Variants in SND1 observed in about 807,000 individuals in gnomAD.
SND1 encodes staphylococcal nuclease domain-containing protein 1.
In SND1, 38 loss-of-function variants were observed where a neutral mutation model predicts 121.7. That is an observed-to-expected ratio of 0.31 (90% CI 0.24 to 0.41). SND1 has a LOEUF of 0.41. SND1 is among the 10% of genes least tolerant of loss of function. The pLI is 1.00. For synonymous variants in SND1, 401 were observed against 447.4 expected (o/e 0.90, Z 1.31); for missense variants, 868 against 1,184.6 (o/e 0.73, Z 3.92).
chr7:127,744,288 G>A lies in SND1; in HGVS notation c.1152+22888G>A, dbSNP rs115693980. ...CCATGTTCTTTTCATTCAATTTGCC[G>A]TTTTTGGGTCGGCTTAGAGACCACC... On this transcript the variant is annotated intron_variant, in intron 10 of 23. Transcript: ENST00000354725. Among the ~76,000 whole-genome samples, 267 of 151,296 alleles carry A rather than the reference G, an allele frequency of 1.8e-3. 2 individuals are homozygous for A. The highest frequency in any genetic ancestry group is 5.5e-3 in the African/African-American group (228 of 41,230).
chr7:127,686,614 T>A lies in SND1; in HGVS notation c.80T>A (p.Val27Asp). 6.2e-7 allele frequency: 1 copy of A among 1,613,544 alleles called. No homozygotes were observed. Among genetic ancestry groups the A allele is most frequent in the Non-Finnish European group, 8.5e-7 (1 of 1,179,628 alleles). The change falls in exon 2 of 24, where the codon GTC becomes GAC. Residue 27 changes from valine (V) to aspartate (D), a missense_variant and splice_region_variant. Transcript: ENST00000354725. ...PTVQRGIIKMVLSGCAIIVRG... is the reference protein window; with the variant it reads ...PTVQRGIIKMDLSGCAIIVRG... The stretch of plus-strand genomic sequence containing the variant: ...TTTCTCTTTCTTCCCCCTACGTAGG[T>A]CCTCTCAGGGTGCGCCATCATTGTC...
chr7:127,691,109 G>A (rs1795905649), intron 2 of SND1, among the ~76,000 whole-genome samples: 1 of 152,040 alleles, frequency 6.6e-6, no homozygotes, highest in South Asian at 2.1e-4. Flanking sequence ...CCTGCTGCGG[G>A]TAAAGTTGTT....
intron 10 of SND1, among the ~76,000 whole-genome samples, chr7:127,740,526 A>G (rs1466678002): frequency 6.6e-6 from 1 of 152,248 alleles, no homozygotes; most frequent in Non-Finnish European, 1.5e-5. Context: ...ACTCTGTAGC[A>G]ACATGGCTCA....
rs1554422863 is a variant in SND1, at chr7:127,764,056, A to AAAAAAAAC, written c.1152+42660_1152+42661insAAACAAAA. ...CCTGTCGCAAAAAAAAAAAAAACAAAAAAACAAAAAAACAAAAAACCCAAG... is the reference window on the plus strand; with the variant it reads ...CCTGTCGCAAAAAAAAAAAAAACAAAAAAAAAACAAAACAAAAAAACAAAAAACCCAAG... On this transcript the variant is annotated intron_variant, in intron 10 of 23. Transcript: ENST00000354725. Among the ~76,000 whole-genome samples, 716 of 135,056 alleles carry AAAAAAAAC rather than the reference A, an allele frequency of 5.3e-3. 13 individuals are homozygous for AAAAAAAAC. Among genetic ancestry groups the AAAAAAAAC allele is most frequent in the Non-Finnish European group, 8.0e-3 (492 of 61,328 alleles). The allele number at this position is 135,056 out of a possible 152,430, so 88.6% of individuals were successfully genotyped here. A position where few individuals can be genotyped will look rare whatever the true frequency, so the allele number is the denominator to read the frequency against.
intron 12 of SND1, among the ~76,000 whole-genome samples, chr7:127,875,936 T>C (rs1014609184): frequency 7.9e-5 from 12 of 152,158 alleles, no homozygotes; most frequent in African/African-American, 2.7e-4. Flanking sequence ...CTTACAAGCT[T>C]TGTAACCTTT....
At chr7:127,951,921 A>G (rs1801471741) in intron 15 of SND1, among the ~76,000 whole-genome samples, 1 of 152,236 alleles carries the variant, frequency 6.6e-6, no homozygotes, top group Non-Finnish European at 1.5e-5. Flanking sequence ...TGCAAAATCT[A>G]CATTGCTACA....
At position 128,037,397 on chromosome 7, in the gene SND1, T is replaced by C. The variant is rs543525702; in HGVS notation, c.1780-37105T>C. Among the ~76,000 whole-genome samples the C allele has an allele frequency of 2.1e-4, 32 of 152,332 alleles. No individual in the cohort carries two copies. In the East Asian group the frequency reaches 6.2e-3, roughly 29 times the overall value. On this transcript the variant is annotated intron_variant, in intron 16 of 23. Coordinates refer to ENST00000354725, the MANE Select transcript of SND1 (RefSeq NM_014390.4). The stretch of plus-strand genomic sequence containing the variant: ...CCTGTCATTGGATTTAGGGCCTACC[T>C]GGATAATCCAGGATGATCTCCTTAT...
intron 16 of SND1, among the ~76,000 whole-genome samples, chr7:127,994,571 AAAAAAAAAAAAAAAC>A (rs1324868493): frequency 1.3e-4 from 19 of 146,936 alleles, no homozygotes; most frequent in East Asian, 1.2e-3. Context: ...AAAAAAAAAA[AAAAAAAAAAAAAAAC>A]AGTAAATTCA....
In SND1 at chr7:127,844,321, C is replaced by T. The variant is rs1437199630; in HGVS notation, c.1243-3C>T. On this transcript the variant is annotated splice_polypyrimidine_tract_variant and splice_region_variant and intron_variant, in intron 11 of 23. Coordinates refer to ENST00000354725, the MANE Select transcript of SND1 (RefSeq NM_014390.4). ...CCTAATTCCCTTGATTCTTTGTTTC[C>T]AGGTCAATGTGACGGTGGACTACAT... 3 of 1,611,930 alleles carry T rather than the reference C, an allele frequency of 1.9e-6. No homozygotes were observed. The highest frequency in any genetic ancestry group is 2.7e-5 in the African/African-American group (2 of 74,824).
intron 14 of SND1, among the ~76,000 whole-genome samples, chr7:127,928,467 G>A (rs1800893709): frequency 6.7e-6 from 1 of 150,270 alleles, no homozygotes; most frequent in South Asian, 2.1e-4. Context: ...GGCTTCCTGG[G>A]ACAGGGTTAT....
chr7:127,736,796 G>A (rs188158584), intron 10 of SND1, among the ~76,000 whole-genome samples: 1 of 152,156 alleles, frequency 6.6e-6, no homozygotes, highest in Non-Finnish European at 1.5e-5. Context: ...CTGAAATAAA[G>A]GGTAGAGTGG....
intron 15 of SND1, among the ~76,000 whole-genome samples, chr7:127,936,752 G>A (rs1390841826): frequency 6.6e-6 from 1 of 152,054 alleles, no homozygotes; most frequent in African/African-American, 2.4e-5. Flanking sequence ...CAACTGTGTT[G>A]CCCAGGCTGG....
chr7:127,875,984 A>T (rs147392539), intron 12 of SND1, among the ~76,000 whole-genome samples: 259 of 152,246 alleles, frequency 1.7e-3, no homozygotes, highest in African/African-American at 5.9e-3. Context: ...ATAGGGAATA[A>T]TAATAGTCCC....
intron 18 of SND1, among the ~76,000 whole-genome samples, chr7:128,083,700 G>A (rs183433961): frequency 6.6e-6 from 1 of 152,164 alleles, no homozygotes. Context: ...CATATGTTGC[G>A]CCCTCCTTAC....
chr7:127,798,117 A>G (rs571914693), intron 10 of SND1, among the ~76,000 whole-genome samples: 20 of 152,194 alleles, frequency 1.3e-4, no homozygotes, highest in Non-Finnish European at 2.6e-4. Flanking sequence ...TACCTGTGGA[A>G]TATAATCATA....
chr7:128,072,361 C>A (rs1793427627), intron 16 of SND1, among the ~76,000 whole-genome samples: 1 of 152,306 alleles, frequency 6.6e-6, no homozygotes, highest in African/African-American at 2.4e-5. Context: ...AGGGAAAGGA[C>A]ACTTGGCTAC....
At chr7:128,058,111 T>C (rs2117030381) in intron 16 of SND1, among the ~76,000 whole-genome samples, 1 of 152,330 alleles carries the variant, frequency 6.6e-6, no homozygotes, top group Admixed American at 6.5e-5. Context: ...GTTCTAGAAA[T>C]CACAGAGACC....
At chr7:128,002,405 C>G (rs1030094327) in intron 16 of SND1, among the ~76,000 whole-genome samples, 1 of 152,218 alleles carries the variant, frequency 6.6e-6, no homozygotes, top group Non-Finnish European at 1.5e-5. Context: ...TCTGATTCCT[C>G]ATGGTCCCAC....
intron 3 of SND1, among the ~76,000 whole-genome samples, chr7:127,696,202 T>A (rs987980330): frequency 6.6e-6 from 1 of 152,212 alleles, no homozygotes; most frequent in Non-Finnish European, 1.5e-5. Flanking sequence ...CAGGGTAGAA[T>A]GACAGTGCTA....
Sources: gnomAD v4.1 joint callset for allele counts (sites outside exome capture counted in the v4.1 genomes callset) on GRCh38, gnomAD v4.1.1 for gene constraint, MANE v1.5 for transcripts, NCBI Gene and HGNC (gene_info 2026-07-23, HGNC 2026-07-21) for gene names.